Variants in RARS2 observed in about 807,000 individuals in gnomAD.
RARS2 encodes the protein probable arginine--tRNA ligase, mitochondrial.
A neutral mutation model predicts 88.5 loss-of-function variants in RARS2; 67 were observed. That is an observed-to-expected ratio of 0.76 (90% CI 0.62 to 0.93). The LOEUF (loss-of-function observed/expected upper bound fraction) is 0.93. Among genes scored for constraint, RARS2 ranks in the 40% least tolerant of loss-of-function variants. The probability of loss-of-function intolerance (pLI) is 0.00; values close to 1 mark genes in which losing one functional copy is unlikely to be tolerated. For synonymous variants in RARS2, 239 were observed against 230.3 expected (o/e 1.04, Z -0.34); for missense variants, 664 against 684.2 (o/e 0.97, Z 0.33).
intron 1 of RARS2, among the ~76,000 whole-genome samples, chr6:87,573,036 T>C (rs569469990): frequency 2.0e-5 from 3 of 152,204 alleles, no homozygotes; most frequent in South Asian, 2.1e-4. Flanking sequence ...GTAGTTTCAA[T>C]AGCAGTTTCA....
In RARS2 at chr6:87,513,996, T is replaced by G. The variant is rs1182451018; in HGVS notation, c.*417A>C. 6.6e-6 allele frequency among the ~76,000 whole-genome samples: 1 copy of G among 152,210 alleles called. No individual in the cohort carries two copies. The highest frequency in any genetic ancestry group is 2.4e-5 in the African/African-American group (1 of 41,456). The stretch of plus-strand genomic sequence containing the variant: ...GAATAACTTGACAAGTCACATTTAA[T>G]ACAGATTCTGACACAGAATAATAGT... On this transcript the variant is annotated 3_prime_UTR_variant, in exon 20 of 20. Transcript: ENST00000369536.
intron 2 of RARS2, 178 bp from the exon 3 acceptor site, chr6:87,564,410 A>AGCACT (rs1424964995): frequency 1.7e-6 from 1 of 601,680 alleles, no homozygotes; most frequent in African/African-American, 1.8e-5. Flanking sequence ...CTGTAATCCC[A>AGCACT]GCACTTTGGG....
chr6:87,524,635 A>G lies in RARS2; in HGVS notation c.896T>C (p.Val299Ala). 1 of 1,612,108 alleles carries G rather than the reference A, an allele frequency of 6.2e-7. No individual in the cohort carries two copies. The highest frequency in any genetic ancestry group is 8.5e-7 in the Non-Finnish European group (1 of 1,178,430). ...GGGGTCGCCATTCCCAGAGAGATCTACTACAGCCGTTCCTTTTCTAGAAAT... is the reference window on the plus strand; with the variant it reads ...GGGGTCGCCATTCCCAGAGAGATCTGCTACAGCCGTTCCTTTTCTAGAAAT... ...LLKTIKGTAV[V>A]DLSGNGDPSS... Residue 299 changes from valine (V) to alanine (A), a missense_variant, in exon 11 of 20, where the codon GTA becomes GCA. Val to Ala is a moderately conservative substitution (Grantham distance 64). Transcript: ENST00000369536.
At chr6:87,553,098 C>CA (rs1469882714) in intron 5 of RARS2, among the ~76,000 whole-genome samples, 1 of 152,122 alleles carries the variant, frequency 6.6e-6, no homozygotes, top group Non-Finnish European at 1.5e-5. Context: ...CTTTCATCAG[C>CA]AGAAAGTGAC....
intron 7 of RARS2, among the ~76,000 whole-genome samples, chr6:87,545,349 G>T (rs1047046755): frequency 1.5e-4 from 23 of 152,260 alleles, no homozygotes; most frequent in African/African-American, 5.5e-4. Context: ...CTCCCAAAGT[G>T]TTGGCATTAC....
At chr6:87,568,994 C>G (rs900640547) in intron 2 of RARS2, among the ~76,000 whole-genome samples, 23 of 152,090 alleles carry the variant, frequency 1.5e-4, no homozygotes, top group Non-Finnish European at 2.8e-4. Flanking sequence ...AAAGAGATAC[C>G]TCTCTGTAAC....
intron 8 of RARS2, among the ~76,000 whole-genome samples, chr6:87,536,661 A>G (rs1182527606): frequency 6.6e-6 from 1 of 152,040 alleles, no homozygotes; most frequent in Non-Finnish European, 1.5e-5. Flanking sequence ...GAAAGAAAAA[A>G]AAAGAAATTA....
chr6:87,564,950 C>T (rs928857459), intron 2 of RARS2, among the ~76,000 whole-genome samples: 3 of 151,710 alleles, frequency 2.0e-5, no homozygotes, highest in Admixed American at 1.3e-4. Flanking sequence ...CCCAGCTACT[C>T]GGGAGGCTTA....
In RARS2 at chr6:87,550,598, C is replaced by T. The variant is rs556867663; in HGVS notation, c.396-1952G>A. The stretch of plus-strand genomic sequence containing the variant: ...CTCTATATAATTGTGGAGGTAGTTA[C>T]ACAACTTGCATATCTTTGCCAAAAC... On this transcript the variant is annotated intron_variant, in intron 5 of 19. Coordinates refer to ENST00000369536, the MANE Select transcript of RARS2 (RefSeq NM_020320.5). Among the ~76,000 whole-genome samples, 3 of 150,688 alleles carry T rather than the reference C, an allele frequency of 2.0e-5. No individual in the cohort carries two copies. The East Asian group carries it at 5.8e-4, about 29-fold the overall frequency.
intron 16 of RARS2, 72 bp downstream of exon 16, chr6:87,518,557 TG>T: frequency 6.8e-7 from 1 of 1,464,074 alleles, no homozygotes; most frequent in Middle Eastern, 2.3e-4. Context: ...ACAGGGCCTC[TG>T]GTCTTAGAAT....
At chr6:87,521,917 A>AT (rs2128019465) in intron 11 of RARS2, among the ~76,000 whole-genome samples, 1 of 152,352 alleles carries the variant, frequency 6.6e-6, no homozygotes, top group East Asian at 1.9e-4. Context: ...CTTAATGAAC[A>AT]TATTTAAAAT....
chr6:87,586,872 G>A (rs1775319373), intron 1 of RARS2, among the ~76,000 whole-genome samples: 1 of 147,370 alleles, frequency 6.8e-6, no homozygotes, highest in South Asian at 2.2e-4. Context: ...CTGAAAATCT[G>A]TGGGGTTGGT....
chr6:87,578,675 T>A (rs1362776897), intron 1 of RARS2, among the ~76,000 whole-genome samples: 1 of 152,092 alleles, frequency 6.6e-6, no homozygotes, highest in Non-Finnish European at 1.5e-5. Flanking sequence ...ATGACTAATA[T>A]TGGCTGGACG....
At chr6:87,521,569 G>C (rs779494755) in intron 11 of RARS2, 45 bp from the exon 12 acceptor site, 1 of 1,446,918 alleles carries the variant, frequency 6.9e-7, no homozygotes. Context: ...AGCAGATCCG[G>C]GTAATAATTG....
intron 8 of RARS2, among the ~76,000 whole-genome samples, chr6:87,536,158 A>G (rs1779106063): frequency 1.1e-5 from 1 of 92,128 alleles, no homozygotes; most frequent in Non-Finnish European, 2.1e-5. Context: ...AAAACCTTCT[A>G]TAGCAAAAAA....
chr6:87,551,897 T>A (rs964205849), intron 5 of RARS2, among the ~76,000 whole-genome samples: 1 of 152,142 alleles, frequency 6.6e-6, no homozygotes, highest in African/African-American at 2.4e-5. Flanking sequence ...CAGAGCTGAT[T>A]TGTACAAAAT....
Position 87,589,984 on chromosome 6 carries a change from G to A in RARS2, c.-27C>T, listed in dbSNP as rs781153511. On this transcript the variant is annotated 5_prime_UTR_variant, in exon 1 of 20. Transcript: ENST00000369536. ...TCCACCTCTACGGAAGTGCGCCGCA[G>A]TCCGCCAGTTCCGGCCTCGCCCCAC... 4 of 1,614,158 alleles carry A rather than the reference G, an allele frequency of 2.5e-6. No individual in the cohort carries two copies. The highest frequency in any genetic ancestry group is 2.5e-6 in the Non-Finnish European group (3 of 1,180,024).
At chr6:87,582,606 T>C (rs772218754) in intron 1 of RARS2, among the ~76,000 whole-genome samples, 1 of 152,244 alleles carries the variant, frequency 6.6e-6, no homozygotes, top group Non-Finnish European at 1.5e-5. Context: ...CTTGTGCTTC[T>C]AAGCAGAATG....
At chr6:87,529,819 G>T (rs1297341730) in intron 9 of RARS2, among the ~76,000 whole-genome samples, 171 bp from the exon 10 acceptor site, 1 of 152,090 alleles carries the variant, frequency 6.6e-6, no homozygotes, top group Non-Finnish European at 1.5e-5. Flanking sequence ...ACTTTGGGAG[G>T]CTGAGGCAGG....
Sources: allele counts gnomAD v4.1 joint callset (sites outside exome capture counted in the v4.1 genomes callset), GRCh38; gene constraint gnomAD v4.1.1; transcripts MANE v1.5; gene names NCBI Gene and HGNC (gene_info 2026-07-23, HGNC 2026-07-21).